Variants in EPHA7 observed in about 807,000 individuals in gnomAD.
The protein encoded by EPHA7 is EPH receptor A7.
In EPHA7, 25 loss-of-function variants were observed where a neutral mutation model predicts 112.6. That is an observed-to-expected ratio of 0.22 (90% confidence interval 0.16 to 0.31). The LOEUF (loss-of-function observed/expected upper bound fraction) is 0.31. EPHA7 is among the 10% of genes least tolerant of loss of function. The pLI is 1.00. For synonymous variants in EPHA7, 437 were observed against 406.5 expected (o/e 1.07, Z -0.90); for missense variants, 962 against 1,212.6 (o/e 0.79, Z 3.07).
intron 5 of EPHA7, among the ~76,000 whole-genome samples, chr6:93,349,136 A>G (rs1030436195): frequency 2.6e-5 from 4 of 151,840 alleles, no homozygotes; most frequent in African/African-American, 7.2e-5. Context: ...TCAACATGGT[A>G]GTATGTTACC....
chr6:93,363,698 A>G (rs1241138780), intron 3 of EPHA7, among the ~76,000 whole-genome samples: 1 of 152,228 alleles, frequency 6.6e-6, no homozygotes, highest in African/African-American at 2.4e-5. Context: ...CCCAAGTAGT[A>G]TATTCTACTC....
In EPHA7 at chr6:93,255,900, G is replaced by T. The variant is rs375646884; in HGVS notation, c.2310C>A (p.Leu770=). 18 of 1,614,010 alleles carry T rather than the reference G, an allele frequency of 1.1e-5. No homozygotes were observed. Among genetic ancestry groups the T allele is most frequent in the Non-Finnish European group, 8.5e-7 (1 of 1,179,992 alleles). ...AARNILVNSN[L]VCKVSDFGLS... Reference sequence around the variant, plus strand: ...GGCCAAAATCTGACACTTTACAAACGAGATTGCTGTTGACAAGAATATTGC... The same window carrying T: ...GGCCAAAATCTGACACTTTACAAACTAGATTGCTGTTGACAAGAATATTGC... Residue 770 remains leucine (L), a synonymous_variant, in exon 13 of 17, where the codon CTC becomes CTA. Coordinates refer to ENST00000369303, the MANE Select transcript of EPHA7 (RefSeq NM_004440.4).
chr6:93,292,693 A>G (rs999630859), intron 5 of EPHA7, among the ~76,000 whole-genome samples: 1 of 152,228 alleles, frequency 6.6e-6, no homozygotes. Flanking sequence ...TACACTAACA[A>G]TAACCTACAG....
intron 3 of EPHA7, among the ~76,000 whole-genome samples, chr6:93,369,040 A>C (rs1053895961): frequency 1.3e-5 from 2 of 152,054 alleles, no homozygotes; most frequent in Non-Finnish European, 2.9e-5. Context: ...GAGTGTATTC[A>C]CTCAATCCTT....
Position 93,241,888 on chromosome 6 carries a change from A to ATTTG in EPHA7, c.*1534_*1537dup, listed in dbSNP as rs758870634. 2.0e-4 allele frequency: 43 copies of ATTTG among 217,478 alleles called. No homozygotes were observed. The highest frequency in any genetic ancestry group is 3.0e-4 in the Non-Finnish European group (33 of 108,412). 13.5% of individuals were successfully genotyped at this position (217,478 alleles called of 1,614,324 possible). A position where few individuals can be genotyped will look rare whatever the true frequency, so the allele number is the denominator to read the frequency against. ...AACATTTACAGATTTTGTTTCTGTT[A>ATTTG]TTTGTTTGTTTGTTTGTGGATGCCC... On this transcript the variant is annotated 3_prime_UTR_variant, in exon 17 of 17. Transcript: ENST00000369303.
At chr6:93,339,166 G>A (rs1044438243) in intron 5 of EPHA7, among the ~76,000 whole-genome samples, 2 of 151,464 alleles carry the variant, frequency 1.3e-5, no homozygotes, top group African/African-American at 4.8e-5. Context: ...AGTGTCTTCA[G>A]AATTCAAAGT....
rs1307035571 is a variant in EPHA7 at position 93,240,321 on chromosome 6, A to G, written c.*3105T>C. The G allele has an allele frequency of 4.4e-6, 1 of 226,572 alleles. No homozygotes were observed. Among genetic ancestry groups the G allele is most frequent in the African/African-American group, 2.2e-5 (1 of 45,016 alleles). The allele number at this position is 226,572 out of a possible 1,614,324, so 14.0% of individuals were successfully genotyped here. A position where few individuals can be genotyped will look rare whatever the true frequency, so the allele number is the denominator to read the frequency against. On this transcript the variant is annotated 3_prime_UTR_variant, in exon 17 of 17. Transcript: ENST00000369303. ...TGAGTAGCATAGTTCTAGGCTACTC[A>G]AGAAACAAAAGGGAGAATATCAGCA... is the stretch of plus-strand genomic sequence containing the variant.
intron 5 of EPHA7, among the ~76,000 whole-genome samples, chr6:93,336,279 T>C (rs1443262167): frequency 6.6e-6 from 1 of 152,206 alleles, no homozygotes; most frequent in Non-Finnish European, 1.5e-5. Flanking sequence ...ATGCAAGGTA[T>C]ACATGAAAGT....
intron 10 of EPHA7, among the ~76,000 whole-genome samples, chr6:93,258,980 GAA>G (rs1472825281): frequency 2.0e-4 from 30 of 151,900 alleles, no homozygotes; most frequent in Admixed American, 1.6e-3. Context: ...AGATAAAAAT[GAA>G]AGTTTTGTAA....
chr6:93,353,277 A>C (rs1371270929), intron 5 of EPHA7, among the ~76,000 whole-genome samples: 1 of 152,150 alleles, frequency 6.6e-6, no homozygotes, highest in Non-Finnish European at 1.5e-5. Context: ...ACAAAACAAC[A>C]AGAACAAAAA....
chr6:93,268,034 C>A (rs1435203588), intron 7 of EPHA7, among the ~76,000 whole-genome samples: 1 of 151,556 alleles, frequency 6.6e-6, no homozygotes, highest in Non-Finnish European at 1.5e-5. Flanking sequence ...TTAACACTAA[C>A]CACTCAAATG....
At chr6:93,356,685 T>G (rs758677342) in intron 5 of EPHA7, 32 bp downstream of exon 5, 2 of 1,564,662 alleles carry the variant, frequency 1.3e-6, no homozygotes, top group Non-Finnish European at 1.7e-6. Flanking sequence ...AGTCACATTA[T>G]TTCATTCAGT....
rs1191331342 is a variant in EPHA7, at chr6:93,356,984, G to A, written c.1057C>T (p.Pro353Ser). ...NQTTVSLEWS[P>S]PADNGGRNDV... ...TTTCTTCCCCCATTGTCTGCAGGAG[G>A]ACTCCATTCCAAACTTACTGTGGTT... The change falls in exon 5 of 17, where the codon CCT becomes TCT. Residue 353 changes from proline (P) to serine (S), a missense_variant. By Grantham distance (74) the Pro-to-Ser change is moderately conservative (BLOSUM62 -1). Around this residue, in one of 3 missense-constraint regions of EPHA7, gnomAD observed 746 missense variants for 889.2 expected, o/e 0.84. Coordinates refer to ENST00000369303, the MANE Select transcript of EPHA7 (RefSeq NM_004440.4). 2 of 1,614,028 alleles carry A rather than the reference G, an allele frequency of 1.2e-6. No individual in the cohort carries two copies. Among genetic ancestry groups the A allele is most frequent in the East Asian group, 2.2e-5 (1 of 44,860 alleles).
At chr6:93,276,680 C>T (rs1037280006) in intron 5 of EPHA7, among the ~76,000 whole-genome samples, 13 of 151,972 alleles carry the variant, frequency 8.6e-5, no homozygotes, top group African/African-American at 3.1e-4. Context: ...ATTATGAAAA[C>T]AGGCTAGTGA....
At chr6:93,324,418 T>A (rs1199192469) in intron 5 of EPHA7, among the ~76,000 whole-genome samples, 1 of 151,370 alleles carries the variant, frequency 6.6e-6, no homozygotes, top group Non-Finnish European at 1.5e-5. Flanking sequence ...GGAAGTCATC[T>A]ATAAACCGTT....
chr6:93,263,060 T>C (rs1415134523), intron 9 of EPHA7, among the ~76,000 whole-genome samples: 2 of 151,316 alleles, frequency 1.3e-5, no homozygotes, highest in Non-Finnish European at 3.0e-5. Context: ...TACAAAATAA[T>C]AATAAAATTG....
At chr6:93,385,559 A>G in intron 3 of EPHA7, among the ~76,000 whole-genome samples, 1 of 152,082 alleles carries the variant, frequency 6.6e-6, no homozygotes, top group East Asian at 1.9e-4. Context: ...TTTATTTAAC[A>G]ACAACCAAAA....
intron 5 of EPHA7, among the ~76,000 whole-genome samples, chr6:93,273,653 C>T (rs533449360): frequency 6.6e-5 from 10 of 152,044 alleles, no homozygotes; most frequent in African/African-American, 1.9e-4. Flanking sequence ...ACAACTTTCC[C>T]TTGAAGGAGA....
At chr6:93,319,767 A>G (rs1283816210) in intron 5 of EPHA7, among the ~76,000 whole-genome samples, 1 of 152,136 alleles carries the variant, frequency 6.6e-6, no homozygotes, top group African/African-American at 2.4e-5. Flanking sequence ...TTCCATATAC[A>G]CATGTTTTAC....
Sources: gnomAD v4.1 joint callset for allele counts (sites outside exome capture counted in the v4.1 genomes callset) on GRCh38, gnomAD v4.1.1 for gene constraint, gnomAD v4.1.1 regional missense constraint, MANE v1.5 for transcripts, NCBI Gene and HGNC (gene_info 2026-07-23, HGNC 2026-07-21) for gene names.